TPP1: variants seen among roughly 807,000 people sequenced by gnomAD.
TPP1 encodes the protein tripeptidyl peptidase 1, also known as tripeptidyl-peptidase 1.
In TPP1, 43 loss-of-function variants were observed where a neutral mutation model predicts 67.6. The observed-to-expected ratio is 0.64, with a 90% CI of 0.50 to 0.82. TPP1 has a LOEUF of 0.82. Ranked by LOEUF, TPP1 falls within the 40% of genes least tolerant of loss-of-function variation. TPP1 has a pLI of 0.00. For synonymous variants in TPP1, 272 were observed against 281.5 expected, an observed-to-expected ratio of 0.97 and a Z score of 0.34; for missense variants, 671 against 710.9, an observed-to-expected ratio of 0.94 and a Z score of 0.64.
Position 6,618,805 on chromosome 11 carries a change from G to A in TPP1, c.200C>T (p.Ala67Val). ...NVERLSELVQ[A>V]VSDPSSPQYG... The stretch of plus-strand genomic sequence containing the variant: ...TTGAGGAGAGCTGGGATCCGACACA[G>A]CCTGCACCAGCTCCGAGAGTCTTTC... Residue 67 changes from alanine (A) to valine (V), a missense_variant, in exon 3 of 13, where the codon GCT becomes GTT. Coordinates refer to ENST00000299427, the MANE Select transcript of TPP1 (RefSeq NM_000391.4). The A allele has an allele frequency of 6.2e-7, 1 of 1,614,026 alleles. No individual in the cohort carries two copies. The highest frequency in any genetic ancestry group is 8.5e-7 in the Non-Finnish European group (1 of 1,180,052).
At chr11:6,615,619 T>C in intron 9 of TPP1, 57 bp from the exon 10 acceptor site, 7 of 1,610,278 alleles carry the variant, frequency 4.3e-6, no homozygotes, top group South Asian at 2.2e-5. Flanking sequence ...CTCCAAGATA[T>C]GTGGGGAGGG....
Position 6,618,224 on chromosome 11 carries a change from C to G in TPP1, c.230-448G>C, listed in dbSNP as rs969598619. On this transcript the variant is annotated intron_variant, in intron 3 of 12. Coordinates refer to ENST00000299427, the MANE Select transcript of TPP1 (RefSeq NM_000391.4). ...CATGCACACTAGTGTCACACTGCCC[C>G]GTCCCCAGCCTCTGCAGTTCACAAG... is the stretch of plus-strand genomic sequence containing the variant. 3 of 333,440 alleles carry G rather than the reference C, an allele frequency of 9.0e-6. No homozygotes were observed. The East Asian group carries it at 2.5e-4, about 27-fold the overall frequency. 20.7% of individuals were successfully genotyped at this position (333,440 alleles called of 1,614,324 possible).
intron 9 of TPP1, 124 bp downstream of exon 9, chr11:6,615,881 A>T: frequency 9.0e-7 from 1 of 1,115,184 alleles, no homozygotes; most frequent in Non-Finnish European, 1.3e-6. Flanking sequence ...TACAGCAACC[A>T]GGGCAGGCAA....
chr11:6,619,154 C>T, intron 2 of TPP1, 42 bp downstream of exon 2: 1 of 1,610,584 alleles, frequency 6.2e-7, no homozygotes, highest in Non-Finnish European at 8.5e-7. Context: ...GGAGGCAGAA[C>T]AGGGTATGGG....
In TPP1 at chr11:6,614,395, G is replaced by C; in HGVS notation, c.*151C>G. The C allele has an allele frequency of 9.2e-7, 1 of 1,084,600 alleles. No homozygotes were observed. The highest frequency in any genetic ancestry group is 1.3e-6 in the Non-Finnish European group (1 of 741,202). 67.2% of individuals were successfully genotyped at this position (1,084,600 alleles called of 1,614,324 possible). A position where few individuals can be genotyped will look rare whatever the true frequency, so the allele number is the denominator to read the frequency against. On this transcript the variant is annotated 3_prime_UTR_variant, in exon 13 of 13. Transcript: ENST00000299427. ...GGAGCATGGTAGGGTTGGGAGTCAA[G>C]TCAAGCTCACAGCATTTCAGGGTTA...
intron 9 of TPP1, 54 bp from the exon 10 acceptor site, chr11:6,615,616 A>G (rs533803431): frequency 1.2e-6 from 2 of 1,611,446 alleles, no homozygotes; most frequent in East Asian, 4.5e-5. Context: ...GACCTCCAAG[A>G]TATGTGGGGA....
chr11:6,617,082 C>A lies in TPP1; in HGVS notation c.580G>T (p.Val194Leu). ...QRPEPQVTGT[V>L]GLHLGVTPSV... is the part of the protein sequence containing the mutation. ...GGGGTTACCCCCAGATGCAGGCCTACAGTCCCTGTCACCTGCGGCTCAGGA... is the reference window on the plus strand; with the variant it reads ...GGGGTTACCCCCAGATGCAGGCCTAAAGTCCCTGTCACCTGCGGCTCAGGA... Residue 194 changes from valine to leucine, a missense_variant, in exon 6 of 13, where the codon GTA (valine) becomes TTA (leucine). Physicochemically the swap from Val to Leu is conservative, Grantham distance 32. Coordinates refer to ENST00000299427, the MANE Select transcript of TPP1 (RefSeq NM_000391.4). 6.2e-7 allele frequency: 1 copy of A among 1,614,160 alleles called. No homozygotes were observed.
intron 7 of TPP1, 42 bp from the exon 8 acceptor site, chr11:6,616,545 G>C: frequency 7.6e-6 from 12 of 1,578,840 alleles, no homozygotes; most frequent in Non-Finnish European, 1.0e-5. Context: ...TGGGCACAAA[G>C]ATAGTCACTG....
At chr11:6,615,777 TA>T in intron 9 of TPP1, 1 of 783,894 alleles carries the variant, frequency 1.3e-6, no homozygotes. Context: ...AATCTTCCAC[TA>T]AAATGCCTGG....
rs1177625357 is a variant in TPP1, at chr11:6,617,171, G to A, written c.509-18C>T. On this transcript the variant is annotated intron_variant, in intron 5 of 12. Transcript: ENST00000299427. Reference sequence around the variant, plus strand: ...TCCCCCCACTGTAGGGAGAAGTCAGGCTTGAGGAGATCTTATAGACTGTAA... The same window carrying A: ...TCCCCCCACTGTAGGGAGAAGTCAGACTTGAGGAGATCTTATAGACTGTAA... 6.2e-7 allele frequency: 1 copy of A among 1,613,916 alleles called. No individual in the cohort carries two copies. Among genetic ancestry groups the A allele is most frequent in the Admixed American group, 1.7e-5 (1 of 59,998 alleles).
At chr11:6,615,808 A>T in intron 9 of TPP1, 197 bp downstream of exon 9, 2 of 789,824 alleles carry the variant, frequency 2.5e-6, no homozygotes, top group Non-Finnish European at 4.2e-6. Context: ...AAAAGGAACA[A>T]TGGGAGCTGT....
intron 3 of TPP1, 113 bp from the exon 4 acceptor site, chr11:6,617,889 G>A: frequency 6.8e-7 from 1 of 1,462,086 alleles, no homozygotes; most frequent in Non-Finnish European, 9.5e-7. Context: ...CAGGGTAAAG[G>A]AGGGCTATGT....
intron 3 of TPP1, 146 bp from the exon 4 acceptor site, chr11:6,617,922 G>T (rs999753342): frequency 3.7e-6 from 4 of 1,068,038 alleles, no homozygotes; most frequent in Admixed American, 2.0e-5. Flanking sequence ...GGTGTACTTG[G>T]GAAGCAGAGG....
rs778900807 is a variant in TPP1, at chr11:6,618,867, C to A, written c.138G>T (p.Glu46Asp). ...VSLGRADPEE[E>D]LSLTFALRQQ... Reference sequence around the variant, plus strand: ...GTCTCAGGGCAAAGGTGAGACTCAGCTCTTCCTCAGGGTCCGCACGGCCCA... The same window carrying A: ...GTCTCAGGGCAAAGGTGAGACTCAGATCTTCCTCAGGGTCCGCACGGCCCA... The change falls in exon 3 of 13, where the codon GAG becomes GAT. Residue 46 changes from glutamate (E) to aspartate (D), a missense_variant. By Grantham distance (45) the Glu-to-Asp change is conservative. Coordinates refer to ENST00000299427, the MANE Select transcript of TPP1 (RefSeq NM_000391.4). The A allele has an allele frequency of 1.9e-5, 31 of 1,613,906 alleles. No homozygotes were observed. The highest frequency in any genetic ancestry group is 2.6e-5 in the Non-Finnish European group (31 of 1,180,060).
Position 6,617,407 on chromosome 11 carries a change from A to C in TPP1, c.402T>G (p.Pro134=). 6.2e-7 allele frequency: 1 copy of C among 1,614,140 alleles called. No homozygotes were observed. The highest frequency in any genetic ancestry group is 8.5e-7 in the Non-Finnish European group (1 of 1,180,028). The change falls in exon 5 of 13, where the codon CCT becomes CCG. Residue 134 remains proline, a synonymous_variant. Coordinates refer to ENST00000299427, the MANE Select transcript of TPP1 (RefSeq NM_000391.4). Reference sequence around the variant, plus strand: ...CCACATAGTGATGAAACTCAGCCCCAGGGAGCAGCAGCTCTGCTTGTCTGG... The same window carrying C: ...CCACATAGTGATGAAACTCAGCCCCCGGGAGCAGCAGCTCTGCTTGTCTGG... ...LSIRQAELLL[P]GAEFHHYVGG...
intron 3 of TPP1, 180 bp downstream of exon 3, chr11:6,618,596 C>G: frequency 1.2e-6 from 1 of 813,778 alleles, no homozygotes; most frequent in African/African-American, 1.7e-5. Flanking sequence ...GTAGCAGAGT[C>G]AGAATTTGAG....
intron 9 of TPP1, 181 bp from the exon 10 acceptor site, chr11:6,615,743 C>A: frequency 1.2e-6 from 1 of 841,198 alleles, no homozygotes; most frequent in Non-Finnish European, 1.9e-6. Flanking sequence ...ACTGTGCACA[C>A]TTTTCTCTAC....
intron 3 of TPP1, 56 bp from the exon 4 acceptor site, chr11:6,617,832 C>G: frequency 1.2e-6 from 2 of 1,612,502 alleles, no homozygotes; most frequent in Non-Finnish European, 1.7e-6. Flanking sequence ...CAAACTCCCC[C>G]TTTTGGACCT....
At chr11:6,618,147 T>C (rs185499981) in intron 3 of TPP1, 1 of 364,456 alleles carries the variant, frequency 2.7e-6, no homozygotes, top group Non-Finnish European at 5.2e-6. Flanking sequence ...AGCTCAAATT[T>C]GCATACTTGT....
Sources: gnomAD v4.1 joint callset for allele counts on GRCh38, gnomAD v4.1.1 for gene constraint, MANE v1.5 for transcripts, NCBI Gene and HGNC (gene_info 2026-07-23, HGNC 2026-07-21) for gene names.